Variants in BRINP1 observed in about 807,000 individuals in gnomAD.
The protein encoded by BRINP1 is BMP/retinoic acid-inducible neural-specific protein 1.
Under a neutral mutation model 72.9 loss-of-function variants are expected in BRINP1, and 17 were observed. The observed-to-expected ratio is 0.23, with a 90% CI of 0.16 to 0.35. BRINP1 has a LOEUF of 0.35. Among genes scored for constraint, BRINP1 ranks in the 10% least tolerant of loss-of-function variants. BRINP1 has a pLI of 1.00. For synonymous variants in BRINP1, 418 were observed against 378.5 expected, an observed-to-expected ratio of 1.10 and a Z score of -1.21; for missense variants, 850 against 1,001.6, an observed-to-expected ratio of 0.85 and a Z score of 2.04.
chr9:119,345,847 T>G (rs1189977696), intron 1 of BRINP1, among the ~76,000 whole-genome samples: 1 of 152,160 alleles, frequency 6.6e-6, no homozygotes, highest in Non-Finnish European at 1.5e-5. Context: ...ATCTTTAAAT[T>G]CACAGCAACT....
At chr9:119,296,568 T>C (rs970033609) in intron 2 of BRINP1, among the ~76,000 whole-genome samples, 1 of 152,200 alleles carries the variant, frequency 6.6e-6, no homozygotes, top group Non-Finnish European at 1.5e-5. Context: ...TGCATTCTCA[T>C]GTCCATTGCA....
At chr9:119,364,692 C>T (rs1831673409) in intron 1 of BRINP1, among the ~76,000 whole-genome samples, 1 of 152,192 alleles carries the variant, frequency 6.6e-6, no homozygotes, top group African/African-American at 2.4e-5. Context: ...AGGAGTCTAA[C>T]CAACCTGGGC....
intron 1 of BRINP1, among the ~76,000 whole-genome samples, chr9:119,327,270 G>T (rs565732570): frequency 6.6e-6 from 1 of 152,142 alleles, no homozygotes; most frequent in Non-Finnish European, 1.5e-5. Context: ...AGCCCAGCAC[G>T]CATTAGCTAT....
At chr9:119,198,012 G>T (rs949200931) in intron 7 of BRINP1, among the ~76,000 whole-genome samples, 47 of 152,120 alleles carry the variant, frequency 3.1e-4, no homozygotes, top group African/African-American at 1.1e-3. Context: ...AAGAGTCTAA[G>T]CTGTTGCTCC....
chr9:119,300,921 C>T (rs1486739780), intron 2 of BRINP1, among the ~76,000 whole-genome samples: 4 of 152,138 alleles, frequency 2.6e-5, no homozygotes, highest in Non-Finnish European at 4.4e-5. Flanking sequence ...CTGATTTTCC[C>T]GCTGTACCAC....
At chr9:119,330,356 A>G (rs1831287517) in intron 1 of BRINP1, among the ~76,000 whole-genome samples, 1 of 152,198 alleles carries the variant, frequency 6.6e-6, no homozygotes, top group African/African-American at 2.4e-5. Flanking sequence ...TCCCTCCAGC[A>G]TACCAAACTT....
intron 1 of BRINP1, among the ~76,000 whole-genome samples, chr9:119,358,299 C>T (rs911437448): frequency 2.0e-5 from 3 of 150,588 alleles, no homozygotes; most frequent in African/African-American, 7.3e-5. Flanking sequence ...CATTAGAAAA[C>T]CAAATCAAAA....
chr9:119,262,234 T>A (rs967921360), intron 2 of BRINP1, among the ~76,000 whole-genome samples: 1 of 152,204 alleles, frequency 6.6e-6, no homozygotes, highest in African/African-American at 2.4e-5. Flanking sequence ...TAATTGCCCA[T>A]TATGAGACCC....
At chr9:119,265,466 G>A (rs528596126) in intron 2 of BRINP1, among the ~76,000 whole-genome samples, 62 of 152,170 alleles carry the variant, frequency 4.1e-4, no homozygotes, top group Admixed American at 3.9e-3. Flanking sequence ...TTAGCTGGGT[G>A]TGGTGTCGGG....
rs1886370 is a variant in BRINP1, at chr9:119,367,219, T to G, written c.-51+1837A>C. ...TGTGTGTGTGTGTGTGTGTGTGTGA[T>G]TGATATATATATATATATATATATC... On this transcript the variant is annotated intron_variant, in intron 1 of 7. Transcript: ENST00000265922. Among the ~76,000 whole-genome samples the G allele has an allele frequency of 1.5e-3, 84 of 56,412 alleles. 3 individuals are homozygous for G. The highest frequency in any genetic ancestry group is 1.8e-3 in the African/African-American group (31 of 17,536). The allele number at this position is 56,412 out of a possible 152,430, so 37.0% of individuals were successfully genotyped here. A position where few individuals can be genotyped will look rare whatever the true frequency, so the allele number is the denominator to read the frequency against.
At chr9:119,192,986 G>GCATAACCTACACA (rs1829698541) in intron 7 of BRINP1, among the ~76,000 whole-genome samples, 1 of 152,056 alleles carries the variant, frequency 6.6e-6, no homozygotes, top group Non-Finnish European at 1.5e-5. Flanking sequence ...CATAGTATTT[G>GCATAACCTACACA]CATAACCTAC....
At position 119,167,013 on chromosome 9, in the gene BRINP1, T is replaced by TTTGTTTTGCTTCA; in HGVS notation, c.*58_*70dup. The TTTGTTTTGCTTCA allele has an allele frequency of 6.9e-7, 1 of 1,458,546 alleles. No homozygotes were observed. Among genetic ancestry groups the TTTGTTTTGCTTCA allele is most frequent in the African/African-American group, 1.4e-5 (1 of 70,538 alleles). 90.4% of individuals were successfully genotyped at this position (1,458,546 alleles called of 1,614,324 possible). On this transcript the variant is annotated 3_prime_UTR_variant, in exon 8 of 8. Coordinates refer to ENST00000265922, the MANE Select transcript of BRINP1 (RefSeq NM_014618.3). The surrounding 1 kb of genome is among the most constrained non-coding windows in gnomAD (Gnocchi z 4.3). ...TACAAATTTTTGTGGGTTTTTTTGT[T>TTTGTTTTGCTTCA]TTGTTTTGCTTCATTTTGTTCTGTT...
At chr9:119,286,486 G>A (rs752941079) in intron 2 of BRINP1, among the ~76,000 whole-genome samples, 5 of 152,144 alleles carry the variant, frequency 3.3e-5, no homozygotes, top group Non-Finnish European at 7.3e-5. Flanking sequence ...CGCCCACCTC[G>A]GCCTCCCAAA....
intron 2 of BRINP1, among the ~76,000 whole-genome samples, chr9:119,292,667 T>C (rs1244119779): frequency 6.6e-6 from 1 of 152,180 alleles, no homozygotes; most frequent in Admixed American, 6.5e-5. Context: ...AGTATGTGAA[T>C]TGGTGTCTTT....
At chr9:119,206,096 T>C (rs1357694178) in intron 7 of BRINP1, among the ~76,000 whole-genome samples, 1 of 152,078 alleles carries the variant, frequency 6.6e-6, no homozygotes, top group Non-Finnish European at 1.5e-5. Flanking sequence ...TCAGCTCTAA[T>C]CCAATATAAC....
chr9:119,259,279 A>T (rs1406530788), intron 2 of BRINP1, among the ~76,000 whole-genome samples: 1 of 152,192 alleles, frequency 6.6e-6, no homozygotes, highest in African/African-American at 2.4e-5. Flanking sequence ...CTTCTTTATC[A>T]GTGCAAAAGG....
At chr9:119,347,161 A>ATT (rs1427060591) in intron 1 of BRINP1, among the ~76,000 whole-genome samples, 3 of 152,060 alleles carry the variant, frequency 2.0e-5, no homozygotes, top group African/African-American at 7.2e-5. Flanking sequence ...GTTCCAAGAG[A>ATT]TTTTTTTACC....
At chr9:119,331,902 T>C (rs1207285243) in intron 1 of BRINP1, among the ~76,000 whole-genome samples, 1 of 152,178 alleles carries the variant, frequency 6.6e-6, no homozygotes, top group Non-Finnish European at 1.5e-5. Flanking sequence ...GTAAGAAGTG[T>C]ATAGGGATCT....
chr9:119,311,009 G>T (rs941886335), intron 2 of BRINP1, among the ~76,000 whole-genome samples: 4 of 152,020 alleles, frequency 2.6e-5, no homozygotes, highest in Non-Finnish European at 5.9e-5. Context: ...GTACATTGTT[G>T]GTGCCAAATC....
Sources: allele counts gnomAD v4.1 joint callset (sites outside exome capture counted in the v4.1 genomes callset), GRCh38; gene constraint gnomAD v4.1.1; non-coding constraint Gnocchi (gnomAD v3.1); transcripts MANE v1.5; gene names NCBI Gene and HGNC (gene_info 2026-07-23, HGNC 2026-07-21).